Variants in YIPF7 observed in about 807,000 individuals in gnomAD.
YIPF7 encodes Yip1 domain family member 7, also known as protein YIPF7.
A neutral mutation model predicts 27.2 loss-of-function variants in YIPF7; 35 were observed. The observed-to-expected ratio is 1.29, with a 90% CI of 0.98 to 1.70. The LOEUF is 1.70. Ranked by LOEUF, YIPF7 falls within the 40% of genes most tolerant of loss-of-function variation. The pLI is 0.00. For synonymous variants in YIPF7, 137 were observed against 110.4 expected, an observed-to-expected ratio of 1.24 and a Z score of -1.51; for missense variants, 358 against 303.7, an observed-to-expected ratio of 1.18 and a Z score of -1.33.
chr4:44,659,263 C>T (rs1713980620), intron 2 of YIPF7, among the ~76,000 whole-genome samples: 1 of 151,342 alleles, frequency 6.6e-6, no homozygotes, highest in African/African-American at 2.4e-5. Context: ...AATATGCACA[C>T]ATGGCTTCAA....
intron 2 of YIPF7, among the ~76,000 whole-genome samples, chr4:44,639,373 C>G (rs1355662760): frequency 6.6e-6 from 1 of 152,008 alleles, no homozygotes; most frequent in African/African-American, 2.4e-5. Flanking sequence ...ATTTTTTCAT[C>G]ATTGTTTGTC....
intron 4 of YIPF7, among the ~76,000 whole-genome samples, chr4:44,626,267 C>G (rs1327897738): frequency 2.0e-5 from 3 of 152,176 alleles, no homozygotes; most frequent in Admixed American, 2.0e-4. Flanking sequence ...GATGGACATG[C>G]TAACAGAAAT....
intron 4 of YIPF7, among the ~76,000 whole-genome samples, chr4:44,627,389 T>G (rs1560323147): frequency 6.6e-6 from 1 of 152,200 alleles, no homozygotes; most frequent in Non-Finnish European, 1.5e-5. Context: ...TATGTGACTA[T>G]GACTCTTATG....
At chr4:44,641,347 G>A (rs1041357348) in intron 2 of YIPF7, among the ~76,000 whole-genome samples, 1 of 151,906 alleles carries the variant, frequency 6.6e-6, no homozygotes, top group African/African-American at 2.4e-5. Context: ...CAGCCATCTT[G>A]AATAAAAAAA....
At chr4:44,637,632 G>T (rs1713175002) in intron 2 of YIPF7, among the ~76,000 whole-genome samples, 2 of 152,016 alleles carry the variant, frequency 1.3e-5, no homozygotes, top group African/African-American at 4.8e-5. Flanking sequence ...GGAACAGGTG[G>T]TATTTGGTTA....
intron 2 of YIPF7, among the ~76,000 whole-genome samples, chr4:44,659,113 G>C (rs1162667302): frequency 6.6e-6 from 1 of 152,188 alleles, no homozygotes; most frequent in Non-Finnish European, 1.5e-5. Flanking sequence ...GAGGAAGCCT[G>C]GGAACCTATC....
intron 2 of YIPF7, among the ~76,000 whole-genome samples, chr4:44,659,246 C>G (rs898230340): frequency 6.6e-6 from 1 of 151,318 alleles, no homozygotes; most frequent in South Asian, 2.1e-4. Flanking sequence ...CTTAAGCTTG[C>G]CCTTACAATA....
intron 2 of YIPF7, among the ~76,000 whole-genome samples, chr4:44,639,404 TCA>T (rs1345079395): frequency 1.3e-5 from 2 of 152,174 alleles, no homozygotes; most frequent in Non-Finnish European, 2.9e-5. Context: ...TAGATATCTT[TCA>T]CCTCCTTGGC....
intron 2 of YIPF7, among the ~76,000 whole-genome samples, chr4:44,640,160 T>C (rs1334332495): frequency 6.6e-6 from 1 of 152,228 alleles, no homozygotes; most frequent in Non-Finnish European, 1.5e-5. Context: ...GTTGTTGTTG[T>C]GTCCTTGTCT....
intron 2 of YIPF7, among the ~76,000 whole-genome samples, chr4:44,640,756 C>T (rs1259203828): frequency 6.6e-6 from 1 of 152,194 alleles, no homozygotes; most frequent in Non-Finnish European, 1.5e-5. Context: ...TACCTGCTTC[C>T]TGCACTGGTG....
intron 3 of YIPF7, among the ~76,000 whole-genome samples, chr4:44,631,892 T>C (rs1898863): frequency 0.84 from 128,477 of 152,118 alleles, 54,978 homozygotes; most frequent in Middle Eastern, 0.94. Context: ...GCTAAAAATA[T>C]GTTTTCAGTA....
At chr4:44,640,684 T>A (rs767682637) in intron 2 of YIPF7, among the ~76,000 whole-genome samples, 1 of 152,142 alleles carries the variant, frequency 6.6e-6, no homozygotes, top group Non-Finnish European at 1.5e-5. Context: ...CATAGGAGTC[T>A]CCACTTAGCT....
Position 44,658,702 on chromosome 4 carries a change from T to G in YIPF7, c.-2+1747A>C, listed in dbSNP as rs559616318. Among the ~76,000 whole-genome samples, 43 of 152,314 alleles carry G rather than the reference T, an allele frequency of 2.8e-4. 2 individuals are homozygous for G. Among genetic ancestry groups the G allele is most frequent in the Admixed American group, 1.9e-3 (29 of 15,302 alleles). On this transcript the variant is annotated intron_variant, in intron 2 of 2. Coordinates refer to the YIPF7 transcript ENST00000508947. The stretch of plus-strand genomic sequence containing the variant: ...CTGCTGATAAAGGCATACCCGAGAC[T>G]GGGTAATTTACAAAGAAAAATCATG...
intron 3 of YIPF7, among the ~76,000 whole-genome samples, chr4:44,635,481 A>G (rs746146751): frequency 4.6e-5 from 7 of 152,224 alleles, no homozygotes; most frequent in Non-Finnish European, 8.8e-5. Context: ...CTCCATGTCA[A>G]CAATGACAAC....
chr4:44,655,395 C>T (rs771670736), upstream of YIPF7, among the ~76,000 whole-genome samples: 5 of 151,924 alleles, frequency 3.3e-5, no homozygotes, highest in African/African-American at 4.8e-5. Flanking sequence ...TTCTCTCACT[C>T]GCTCAGTTTT....
In YIPF7 at chr4:44,648,237, T is replaced by C. The variant is rs548997799; in HGVS notation, c.116+1748A>G. Among the ~76,000 whole-genome samples the C allele has an allele frequency of 4.3e-4, 66 of 152,212 alleles. No individual in the cohort carries two copies. The South Asian group carries it at 0.014, about 32-fold the overall frequency. On this transcript the variant is annotated intron_variant, in intron 2 of 5. Transcript: ENST00000415895. ...TGTTTGGGACCAAAGTGTTTTAGAT[T>C]TCAGATTTTTATGGATTTTTGAATA...
At chr4:44,644,511 C>G (rs1009310508) in intron 2 of YIPF7, among the ~76,000 whole-genome samples, 1 of 152,144 alleles carries the variant, frequency 6.6e-6, no homozygotes, top group African/African-American at 2.4e-5. Context: ...ATGGGACATT[C>G]CCTTTTTTTG....
chr4:44,623,426 C>A (rs1272992215), intron 5 of YIPF7, among the ~76,000 whole-genome samples: 1 of 152,158 alleles, frequency 6.6e-6, no homozygotes, highest in Non-Finnish European at 1.5e-5. Flanking sequence ...AGGTCAAGAT[C>A]TCTCCTAGCA....
intron 3 of YIPF7, among the ~76,000 whole-genome samples, chr4:44,631,375 G>T (rs953351971): frequency 6.6e-6 from 1 of 152,064 alleles, no homozygotes; most frequent in African/African-American, 2.4e-5. Flanking sequence ...CAGGGGTATA[G>T]CTCAACTTAT....
Sources: allele counts gnomAD v4.1 joint callset (sites outside exome capture counted in the v4.1 genomes callset), GRCh38; gene constraint gnomAD v4.1.1; transcripts MANE v1.5; gene names NCBI Gene and HGNC (gene_info 2026-07-23, HGNC 2026-07-21).